The following VPS33A variants were observed in gnomAD, a reference collection of about 807,000 sequenced individuals.
VPS33A encodes the protein vacuolar protein sorting-associated protein 33A.
Under a neutral mutation model 71.8 loss-of-function variants are expected in VPS33A, and 32 were observed. The ratio of observed to expected loss-of-function variants is 0.45; its 90% confidence interval spans 0.34 to 0.60. VPS33A has a LOEUF of 0.60. VPS33A is among the 20% of genes least tolerant of loss of function. The pLI, the probability that VPS33A is intolerant of heterozygous loss-of-function variation, is 0.02. For synonymous variants in VPS33A, 311 were observed against 292.7 expected (o/e 1.06, Z -0.64); for missense variants, 625 against 748.5 (o/e 0.84, Z 1.92).
intron 6 of VPS33A, among the ~76,000 whole-genome samples, chr12:122,247,762 C>T (rs116840069): frequency 0.015 from 2,235 of 152,234 alleles, 45 homozygotes; most frequent in African/African-American, 0.051. Flanking sequence ...AAAGGGAAAC[C>T]CTGTAGCCAA....
intron 9 of VPS33A, 73 bp downstream of exon 9, chr12:122,239,805 T>G: frequency 1.1e-6 from 1 of 873,158 alleles, no homozygotes; most frequent in Non-Finnish European, 1.7e-6. Context: ...TCAAAGCAAT[T>G]GGTTTTCTGG....
chr12:122,233,454 G>A (rs986310737), intron 11 of VPS33A, among the ~76,000 whole-genome samples: 10 of 152,110 alleles, frequency 6.6e-5, no homozygotes, highest in Admixed American at 3.9e-4. Flanking sequence ...TTGAATTTCT[G>A]ACCTCAGGTG....
rs957693967 is a variant in VPS33A at position 122,235,837 on chromosome 12, G to A, written c.1389C>T (p.Tyr463=). ...GGCGTAATGTTTTCCGTATAGTTGG[G>A]TAATTGTTTCTGCCCCCCGTCTGCG... ...LKPQTGGRNN[Y]PTIRKTLRLW... is the part of the protein sequence containing the mutation. Residue 463 remains tyrosine (Y), a synonymous_variant, in exon 11 of 13, where the codon TAC becomes TAT. Coordinates refer to ENST00000267199, the MANE Select transcript of VPS33A (RefSeq NM_022916.6). 1.2e-6 allele frequency: 2 copies of A among 1,613,808 alleles called. No homozygotes were observed. The highest frequency in any genetic ancestry group is 1.3e-5 in the African/African-American group (1 of 74,958).
rs950557666 is a variant in VPS33A, at chr12:122,263,437, T to C, written c.296+135A>G. The C allele has an allele frequency of 1.2e-5, 13 of 1,088,190 alleles. No individual in the cohort carries two copies. The Middle Eastern group carries it at 8.7e-4, about 73-fold the overall frequency. The allele number at this position is 1,088,190 out of a possible 1,614,324, so 67.4% of individuals were successfully genotyped here. A position where few individuals can be genotyped will look rare whatever the true frequency, so the allele number is the denominator to read the frequency against. ...AGCCCCCATCTTCTCTTTTATATTCTTCCATGCCTATCTCAGTTTTCCAAA... is the reference window on the plus strand; with the variant it reads ...AGCCCCCATCTTCTCTTTTATATTCCTCCATGCCTATCTCAGTTTTCCAAA... On this transcript the variant is annotated intron_variant, in intron 3 of 12. Coordinates refer to ENST00000267199, the MANE Select transcript of VPS33A (RefSeq NM_022916.6).
At chr12:122,247,580 A>G (rs1485848401) in intron 6 of VPS33A, among the ~76,000 whole-genome samples, 1 of 152,178 alleles carries the variant, frequency 6.6e-6, no homozygotes, top group East Asian at 1.9e-4. Context: ...ACGCCTCCTC[A>G]TGCATGTCTC....
intron 7 of VPS33A, among the ~76,000 whole-genome samples, chr12:122,243,862 G>T (rs1954744428): frequency 1.3e-5 from 2 of 152,056 alleles, no homozygotes; most frequent in African/African-American, 4.8e-5. Context: ...TAGCAGCTCA[G>T]TAAGCCATGA....
rs1344018321 is a variant in VPS33A, at chr12:122,266,462, G to A, written c.-54C>T. The A allele has an allele frequency of 1.3e-6, 2 of 1,580,656 alleles. No individual in the cohort carries two copies. The highest frequency in any genetic ancestry group is 1.7e-6 in the Non-Finnish European group (2 of 1,157,094). ...GCCAACCGAGTCCGCCGGTTCCTAC[G>A]GGAGGACCACGGACGCAGTCACGTG... On this transcript the variant is annotated 5_prime_UTR_variant, in exon 1 of 13. Transcript: ENST00000267199.
At chr12:122,232,687 G>A (rs1954578931) in intron 12 of VPS33A, 113 bp downstream of exon 12, 3 of 1,330,554 alleles carry the variant, frequency 2.3e-6, no homozygotes, top group Non-Finnish European at 3.1e-6. Context: ...AACAAAAGAG[G>A]TGTATTTAAT....
intron 6 of VPS33A, chr12:122,248,719 TAA>T (rs1041868066): frequency 2.6e-5 from 4 of 152,262 alleles, no homozygotes; most frequent in African/African-American, 9.6e-5. Context: ...GATCTCCAAC[TAA>T]ACTCTCCACG....
In VPS33A at chr12:122,234,851, T is replaced by C. The variant is rs545765987; in HGVS notation, c.1440+935A>G. Among the ~76,000 whole-genome samples, 4 of 152,232 alleles carry C rather than the reference T, an allele frequency of 2.6e-5. No homozygotes were observed. The East Asian group carries it at 7.7e-4, about 29-fold the overall frequency. ...CCCTCAGCCAGAGGCCCCTCACCCC[T>C]TACCTCACCAGATGGCCTCACCACA... is the stretch of plus-strand genomic sequence containing the variant. On this transcript the variant is annotated intron_variant, in intron 11 of 12. Transcript: ENST00000267199.
chr12:122,253,226 C>T (rs565497527), intron 4 of VPS33A: 1 of 152,086 alleles, frequency 6.6e-6, no homozygotes, highest in Admixed American at 6.5e-5. Flanking sequence ...GGCAAAACCA[C>T]TTAAAACTCC....
chr12:122,245,031 T>C (rs1344673510), intron 6 of VPS33A, among the ~76,000 whole-genome samples: 1 of 152,202 alleles, frequency 6.6e-6, no homozygotes, highest in East Asian at 1.9e-4. Context: ...TAGGTCACTT[T>C]TCCACTCAGA....
At chr12:122,245,114 T>C (rs2136132785) in intron 6 of VPS33A, among the ~76,000 whole-genome samples, 1 of 152,304 alleles carries the variant, frequency 6.6e-6, no homozygotes, top group African/African-American at 2.4e-5. Flanking sequence ...TAGTGGATCA[T>C]GAAATCAAGC....
chr12:122,230,549 C>G lies in VPS33A; in HGVS notation c.*1697G>C, dbSNP rs543698642. 14 of 152,310 alleles carry G rather than the reference C, an allele frequency of 9.2e-5. No homozygotes were observed. Among genetic ancestry groups the G allele is most frequent in the Admixed American group, 8.5e-4 (13 of 15,294 alleles). 9.4% of individuals were successfully genotyped at this position (152,310 alleles called of 1,614,324 possible). A position where few individuals can be genotyped will look rare whatever the true frequency, so the allele number is the denominator to read the frequency against. On this transcript the variant is annotated 3_prime_UTR_variant, in exon 13 of 13. Transcript: ENST00000267199. ...TGAGCTGACATCGCACCACTGCACT[C>G]CAGTCTGAAAAGAGCGTGAGACTCT...
At position 122,261,376 on chromosome 12, in the gene VPS33A, T is replaced by C. The variant is rs780642596; in HGVS notation, c.368A>G (p.Gln123Arg). ...FVPRRSLLCE[Q>R]RLKDLGVLGS... ...CAAGACACCCAGATCCTTCAACCGC[T>C]GTTCGCACAACAGGCTACGGCGTGG... The change falls in exon 4 of 13, where the codon CAG becomes CGG. Residue 123 changes from glutamine (Q) to arginine (R), a missense_variant. Gln to Arg is a conservative substitution (Grantham distance 43). Transcript: ENST00000267199. 10 of 1,614,068 alleles carry C rather than the reference T, an allele frequency of 6.2e-6. No individual in the cohort carries two copies. In the South Asian group the frequency reaches 9.9e-5, roughly 16 times the overall value.
chr12:122,249,394 T>C (rs1257013383), intron 6 of VPS33A: 2 of 152,242 alleles, frequency 1.3e-5, no homozygotes, highest in African/African-American at 4.8e-5. Context: ...AGCTAATTTT[T>C]TGTATTTTTA....
Position 122,235,841 on chromosome 12 carries a change from T to C in VPS33A, c.1385A>G (p.Asn462Ser). The C allele has an allele frequency of 1.2e-6, 2 of 1,613,888 alleles. No individual in the cohort carries two copies. The highest frequency in any genetic ancestry group is 1.1e-5 in the South Asian group (1 of 91,016). The change falls in exon 11 of 13, where the codon AAT becomes AGT. Residue 462 changes from asparagine (N) to serine (S), a missense_variant. Asn to Ser is a conservative substitution (Grantham distance 46, BLOSUM62 1). Transcript: ENST00000267199. ...LLKPQTGGRNNYPTIRKTLRL... is the reference protein window; with the variant it reads ...LLKPQTGGRNSYPTIRKTLRL... ...TAATGTTTTCCGTATAGTTGGGTAA[T>C]TGTTTCTGCCCCCCGTCTGCGGTTT...
rs1593197648 is a variant in VPS33A, at chr12:122,239,730, A to G, written c.1164+148T>C. ...TGGGCAACAGAGCAAGCTGGGTGACACACAGTGAGACTCCGTCTCAAAAAA... is the reference window on the plus strand; with the variant it reads ...TGGGCAACAGAGCAAGCTGGGTGACGCACAGTGAGACTCCGTCTCAAAAAA... On this transcript the variant is annotated intron_variant, in intron 9 of 12. Coordinates refer to ENST00000267199, the MANE Select transcript of VPS33A (RefSeq NM_022916.6). 3 of 572,088 alleles carry G rather than the reference A, an allele frequency of 5.2e-6. 1 individual carries two copies. In the South Asian group the frequency reaches 6.0e-5, roughly 11 times the overall value. The allele number at this position is 572,088 out of a possible 1,614,324, so 35.4% of individuals were successfully genotyped here. A position where few individuals can be genotyped will look rare whatever the true frequency, so the allele number is the denominator to read the frequency against.
chr12:122,251,133 T>C, intron 4 of VPS33A, 34 bp from the exon 5 acceptor site: 1 of 1,505,188 alleles, frequency 6.6e-7, no homozygotes. Context: ...TGCCAGGCCA[T>C]GGGGGCCTCC....
Sources: gnomAD v4.1 joint callset for allele counts (sites outside exome capture counted in the v4.1 genomes callset) on GRCh38, gnomAD v4.1.1 for gene constraint, MANE v1.5 for transcripts, NCBI Gene and HGNC (gene_info 2026-07-23, HGNC 2026-07-21) for gene names.